Variants in PRKN observed in about 807,000 individuals in gnomAD.
PRKN encodes the protein E3 ubiquitin-protein ligase parkin.
PRKN carries 56 observed loss-of-function variants against 59.5 expected under a neutral mutation model. The observed-to-expected ratio is 0.94, with a 90% confidence interval of 0.76 to 1.18. PRKN has a LOEUF of 1.18. PRKN is among the 50% of genes most tolerant of loss of function. PRKN has a pLI of 0.00. For synonymous variants in PRKN, 250 were observed against 222.1 expected (o/e 1.13, Z -1.12); for missense variants, 657 against 596.4 (o/e 1.10, Z -1.06).
intron 7 of PRKN, among the ~76,000 whole-genome samples, chr6:161,694,596 T>G (rs1479624343): frequency 6.6e-6 from 1 of 152,206 alleles, no homozygotes. Context: ...AATCACATCA[T>G]GTCCATTACA....
Position 161,549,132 on chromosome 6 carries a change from G to GTT in PRKN, c.934-130_934-129insAA. On this transcript the variant is annotated intron_variant, in intron 8 of 11. Coordinates refer to ENST00000366898, the MANE Select transcript of PRKN (RefSeq NM_004562.3). The surrounding 1 kb of genome is among the most constrained non-coding windows in gnomAD (Gnocchi z 6.0). ...TAAAATAATGCATGTGTGTGTGTGTGTGTGTGTGTAGGGGGAGGGAGAGGG... is the reference window on the plus strand; with the variant it reads ...TAAAATAATGCATGTGTGTGTGTGTGTTTGTGTGTGTAGGGGGAGGGAGAGGG... 1 of 970,576 alleles carries GTT rather than the reference G, an allele frequency of 1.0e-6. No individual in the cohort carries two copies. The highest frequency in any genetic ancestry group is 1.6e-6 in the Non-Finnish European group (1 of 619,538). The allele number at this position is 970,576 out of a possible 1,614,324, so 60.1% of individuals were successfully genotyped here.
rs143170028 is a variant in PRKN, at chr6:162,000,362, ATTGT to A, written c.619-26949_619-26946del. 6.0e-3 allele frequency among the ~76,000 whole-genome samples: 916 copies of A among 152,032 alleles called. 8 individuals are homozygous for A. The highest frequency in any genetic ancestry group is 0.021 in the African/African-American group (873 of 41,458). On this transcript the variant is annotated intron_variant, in intron 5 of 11. Coordinates refer to ENST00000366898, the MANE Select transcript of PRKN (RefSeq NM_004562.3). Reference sequence around the variant, plus strand: ...TGTAATAGATGTGTACTGGTATCTCATTGTTTGTTTGTTTTTTTAAATTTTAATT... The same window carrying A: ...TGTAATAGATGTGTACTGGTATCTCATTGTTTGTTTTTTTAAATTTTAATT...
chr6:162,294,147 T>C (rs527431824), intron 2 of PRKN, among the ~76,000 whole-genome samples: 1 of 151,806 alleles, frequency 6.6e-6, no homozygotes, highest in African/African-American at 2.4e-5. Context: ...AGAAAAGAGG[T>C]TTCCAGCGGT....
intron 2 of PRKN, among the ~76,000 whole-genome samples, chr6:162,379,851 T>G (rs1786331359): frequency 1.3e-5 from 2 of 152,200 alleles, no homozygotes; most frequent in South Asian, 4.1e-4. Context: ...ATACAATATC[T>G]GCTTTTTATT....
chr6:162,662,245 G>T (rs1012035356), intron 1 of PRKN, among the ~76,000 whole-genome samples: 1 of 151,562 alleles, frequency 6.6e-6, no homozygotes, highest in Admixed American at 6.6e-5. Context: ...AAACAGCATG[G>T]AGATTTTTTT....
chr6:162,434,478 ATT>A (rs1378624256), intron 2 of PRKN, among the ~76,000 whole-genome samples: 1 of 152,170 alleles, frequency 6.6e-6, no homozygotes, highest in Non-Finnish European at 1.5e-5. Flanking sequence ...GTTTATGATA[ATT>A]TTATTTTTAT....
chr6:161,882,615 T>A (rs1794980118), intron 6 of PRKN, among the ~76,000 whole-genome samples: 1 of 151,932 alleles, frequency 6.6e-6, no homozygotes, highest in Non-Finnish European at 1.5e-5. Flanking sequence ...TGGGAGAGAG[T>A]ACAGTCACTG....
rs1440580666 is a variant in PRKN, at chr6:162,717,113, T to C, written c.7+10549A>G. Among the ~76,000 whole-genome samples, 3 of 152,026 alleles carry C rather than the reference T, an allele frequency of 2.0e-5. No individual in the cohort carries two copies. The East Asian group carries it at 5.8e-4, about 29-fold the overall frequency. On this transcript the variant is annotated intron_variant, in intron 1 of 11. Coordinates refer to ENST00000366898, the MANE Select transcript of PRKN (RefSeq NM_004562.3). ...CTTTTAAGAGGAAGGCAGAGCAAGATTTGATGGCAGTAAAGGAGAAGGCAA... is the reference window on the plus strand; with the variant it reads ...CTTTTAAGAGGAAGGCAGAGCAAGACTTGATGGCAGTAAAGGAGAAGGCAA...
intron 1 of PRKN, among the ~76,000 whole-genome samples, chr6:162,618,756 C>G (rs1010941610): frequency 6.6e-6 from 1 of 152,220 alleles, no homozygotes; most frequent in Non-Finnish European, 1.5e-5. Flanking sequence ...AAACTCCCCC[C>G]CAAAAGTTAA....
intron 2 of PRKN, among the ~76,000 whole-genome samples, chr6:162,357,440 T>G (rs1784923086): frequency 6.6e-6 from 1 of 152,172 alleles, no homozygotes; most frequent in Admixed American, 6.5e-5. Flanking sequence ...CAAAATTAGA[T>G]AGTACTGCCC....
At position 161,939,675 on chromosome 6, in the gene PRKN, C is replaced by T. The variant is rs569829944; in HGVS notation, c.734+33627G>A. Among the ~76,000 whole-genome samples the T allele has an allele frequency of 1.3e-4, 20 of 150,274 alleles. No homozygotes were observed. In the East Asian group the frequency reaches 2.6e-3, roughly 20 times the overall value. The stretch of plus-strand genomic sequence containing the variant: ...TGAACTCAGGAGGCGGAGGTTGCAA[C>T]GAGATGAGATCGTGTCATTGCACTC... On this transcript the variant is annotated intron_variant, in intron 6 of 11. Transcript: ENST00000366898.
rs940743180 is a variant in PRKN at position 161,349,996 on chromosome 6, G to C, written c.*103C>G. The C allele has an allele frequency of 6.8e-5, 54 of 798,308 alleles. 1 individual carries two copies. The South Asian group carries it at 7.6e-4, about 11-fold the overall frequency. 49.5% of individuals were successfully genotyped at this position (798,308 alleles called of 1,614,324 possible). On this transcript the variant is annotated 3_prime_UTR_variant, in exon 12 of 12. Transcript: ENST00000366898. This position sits in a 1 kb window ranked among gnomAD's most constrained non-coding sequence, Gnocchi z 5.5. ...AAAAACTTGAAGAGTGTGTGTGCGC[G>C]CGCGCGCGTGTGTGTGTGTGTTTGA...
In PRKN at chr6:162,443,357, G is replaced by A. The variant is rs577232474; in HGVS notation, c.124C>T (p.Arg42Cys). 175 of 1,613,302 alleles carry A rather than the reference G, an allele frequency of 1.1e-4. 5 individuals carry two copies. In the South Asian group the frequency reaches 1.5e-3, roughly 14 times the overall value. Reference protein sequence around the residue: ...KRQGVPADQLRVIFAGKELRN... With the variant: ...KRQGVPADQLCVIFAGKELRN... ...AGCTCCTTCCCTGCGAAAATCACAC[G>A]CAACTGGTCAGCCGGAACCCCCTGT... The change falls in exon 2 of 12, where the codon CGT becomes TGT. Residue 42 changes from arginine to cysteine, a missense_variant. Physicochemically the swap from Arg to Cys is radical, Grantham distance 180 (BLOSUM62 -3). Coordinates refer to ENST00000366898, the MANE Select transcript of PRKN (RefSeq NM_004562.3).
intron 7 of PRKN, among the ~76,000 whole-genome samples, chr6:161,743,213 C>CTTTTTTTTTTTTTTTTT (rs768890758): frequency 9.5e-5 from 8 of 84,572 alleles, no homozygotes; most frequent in Non-Finnish European, 1.7e-4. Context: ...TGGTTTCTAC[C>CTTTTTTTTTTTTTTTTT]TTTTTTTTTT....
intron 6 of PRKN, among the ~76,000 whole-genome samples, chr6:161,841,070 G>A (rs568390712): frequency 5.9e-5 from 9 of 152,186 alleles, no homozygotes; most frequent in Non-Finnish European, 1.2e-4. Flanking sequence ...ATTACTGTGT[G>A]TATACCAAAA....
chr6:161,617,682 G>A (rs1488432344), intron 7 of PRKN, among the ~76,000 whole-genome samples: 1 of 152,090 alleles, frequency 6.6e-6, no homozygotes, highest in Non-Finnish European at 1.5e-5. Flanking sequence ...TTTCTTTTTA[G>A]CTAGGTGTTT....
At chr6:162,306,568 G>A (rs568497573) in intron 2 of PRKN, among the ~76,000 whole-genome samples, 1 of 152,316 alleles carries the variant, frequency 6.6e-6, no homozygotes, top group South Asian at 2.1e-4. Context: ...TGAATTGTGT[G>A]AAAATTGTTT....
chr6:161,561,436 T>A lies in PRKN; in HGVS notation c.933+7919A>T, dbSNP rs1780450667. Among the ~76,000 whole-genome samples, 1 of 152,298 alleles carries A rather than the reference T, an allele frequency of 6.6e-6. No individual in the cohort carries two copies. The highest frequency in any genetic ancestry group is 3.4e-3 in the Middle Eastern group (1 of 294). On this transcript the variant is annotated intron_variant, in intron 8 of 11. Coordinates refer to ENST00000366898, the MANE Select transcript of PRKN (RefSeq NM_004562.3). This position sits in a 1 kb window ranked among gnomAD's most constrained non-coding sequence, Gnocchi z 5.0. ...CTGATGTCCTGATGTGCTCAACAGA[T>A]GTTTCCTAAGCACACTCTAAGTGTC... is the stretch of plus-strand genomic sequence containing the variant.
chr6:162,597,246 T>G (rs895227037), intron 1 of PRKN, among the ~76,000 whole-genome samples: 4 of 152,172 alleles, frequency 2.6e-5, no homozygotes, highest in African/African-American at 9.7e-5. Context: ...TTAGAATATG[T>G]GGAAAAAAAT....
Sources: gnomAD v4.1 joint callset for allele counts (sites outside exome capture counted in the v4.1 genomes callset) on GRCh38, gnomAD v4.1.1 for gene constraint, Gnocchi (gnomAD v3.1) non-coding constraint, MANE v1.5 for transcripts, NCBI Gene and HGNC (gene_info 2026-07-23, HGNC 2026-07-21) for gene names.